The following GRIN2A variants were observed in gnomAD, a reference collection of about 807,000 sequenced individuals.
GRIN2A encodes the protein glutamate receptor ionotropic, NMDA 2A.
In GRIN2A, 22 loss-of-function variants were observed where a neutral mutation model predicts 113.4. The ratio of observed to expected loss-of-function variants is 0.19; its 90% confidence interval spans 0.14 to 0.28. The LOEUF is 0.28. GRIN2A is among the 10% of genes least tolerant of loss of function. GRIN2A has a pLI of 1.00. For synonymous variants in GRIN2A, 827 were observed against 738.4 expected (o/e 1.12, Z -1.94); for missense variants, 1,502 against 1,887.0 (o/e 0.80, Z 3.78).
intron 2 of GRIN2A, among the ~76,000 whole-genome samples, chr16:10,001,911 A>G (rs1225417047): frequency 6.6e-6 from 1 of 152,230 alleles, no homozygotes; most frequent in African/African-American, 2.4e-5. Flanking sequence ...TTACTCATTG[A>G]TAAACCAGGA....
chr16:9,924,132 A>C (rs1488061152), intron 3 of GRIN2A, among the ~76,000 whole-genome samples: 159 of 151,466 alleles, frequency 1.0e-3, no homozygotes, highest in African/African-American at 3.6e-3. Flanking sequence ...AAAAAAAAAA[A>C]AAAAAAACAA....
chr16:9,873,172 A>G (rs1239605689), intron 4 of GRIN2A, among the ~76,000 whole-genome samples: 1 of 152,084 alleles, frequency 6.6e-6, no homozygotes, highest in Non-Finnish European at 1.5e-5. Context: ...GACAATGGAG[A>G]CTCAGAAAGG....
chr16:9,767,471 G>A (rs1333026374), intron 12 of GRIN2A, among the ~76,000 whole-genome samples: 1 of 152,016 alleles, frequency 6.6e-6, no homozygotes, highest in East Asian at 1.9e-4. Context: ...TGTTACATAT[G>A]TATACATGTG....
chr16:10,148,208 C>T (rs927536170), intron 2 of GRIN2A, among the ~76,000 whole-genome samples: 4 of 152,282 alleles, frequency 2.6e-5, no homozygotes, highest in African/African-American at 9.6e-5. Flanking sequence ...TTCATTATAA[C>T]CCAGCCATGC....
intron 2 of GRIN2A, among the ~76,000 whole-genome samples, chr16:10,082,578 C>T (rs2142059796): frequency 6.6e-6 from 1 of 152,330 alleles, no homozygotes; most frequent in Middle Eastern, 3.4e-3. Context: ...TGGGCCTGGC[C>T]TCATCAGATG....
At chr16:9,998,477 C>T (rs1168716104) in intron 2 of GRIN2A, among the ~76,000 whole-genome samples, 1 of 152,138 alleles carries the variant, frequency 6.6e-6, no homozygotes, top group Non-Finnish European at 1.5e-5. Context: ...ATCGAAGGTC[C>T]TTGCACAACA....
intron 3 of GRIN2A, among the ~76,000 whole-genome samples, chr16:9,933,470 A>T (rs1388286243): frequency 2.0e-5 from 3 of 152,214 alleles, no homozygotes; most frequent in African/African-American, 4.8e-5. Flanking sequence ...CACCACGAAG[A>T]TATCAGGTAT....
chr16:10,153,337 T>C (rs1401635594), intron 2 of GRIN2A, among the ~76,000 whole-genome samples: 3 of 152,174 alleles, frequency 2.0e-5, no homozygotes, highest in African/African-American at 7.2e-5. Flanking sequence ...AAGTACTGGA[T>C]ATATTGGCCA....
At chr16:9,893,353 C>A (rs769928614) in intron 3 of GRIN2A, among the ~76,000 whole-genome samples, 1 of 152,172 alleles carries the variant, frequency 6.6e-6, no homozygotes, top group African/African-American at 2.4e-5. Flanking sequence ...CTTTAACAAA[C>A]AGAAAACTAA....
chr16:9,878,990 T>C (rs2043426012), intron 4 of GRIN2A, among the ~76,000 whole-genome samples: 1 of 152,192 alleles, frequency 6.6e-6, no homozygotes, highest in Non-Finnish European at 1.5e-5. Flanking sequence ...CCTAACATAT[T>C]GTACTGTGTG....
At chr16:10,004,028 T>C (rs1178554321) in intron 2 of GRIN2A, among the ~76,000 whole-genome samples, 4 of 152,076 alleles carry the variant, frequency 2.6e-5, no homozygotes, top group Non-Finnish European at 4.4e-5. Flanking sequence ...CCTCTCACTA[T>C]TACCCATGAA....
At chr16:10,005,023 A>G (rs552309485) in intron 2 of GRIN2A, among the ~76,000 whole-genome samples, 3 of 152,328 alleles carry the variant, frequency 2.0e-5, no homozygotes, top group African/African-American at 7.2e-5. Flanking sequence ...GACAAAAGTA[A>G]AACGAAAATT....
At chr16:9,897,756 T>C (rs2043835347) in intron 3 of GRIN2A, among the ~76,000 whole-genome samples, 1 of 152,222 alleles carries the variant, frequency 6.6e-6, no homozygotes, top group South Asian at 2.1e-4. Context: ...ACTTGCATTA[T>C]ATTTCTAATG....
intron 2 of GRIN2A, among the ~76,000 whole-genome samples, chr16:9,960,075 T>G (rs974793675): frequency 1.3e-5 from 2 of 152,188 alleles, no homozygotes; most frequent in African/African-American, 4.8e-5. Context: ...GGCTTCCAGG[T>G]TGACACCCAA....
chr16:10,093,889 C>A (rs1329726408), intron 2 of GRIN2A, among the ~76,000 whole-genome samples: 1 of 152,120 alleles, frequency 6.6e-6, no homozygotes, highest in Non-Finnish European at 1.5e-5. Context: ...GGAAACTCTG[C>A]CCAAGACATC....
intron 11 of GRIN2A, among the ~76,000 whole-genome samples, chr16:9,790,584 T>C (rs975960463): frequency 1.4e-4 from 22 of 152,350 alleles, no homozygotes; most frequent in African/African-American, 4.8e-4. Flanking sequence ...TATTATAATA[T>C]ACAAATAAGA....
At chr16:9,895,265 T>C (rs1006890726) in intron 3 of GRIN2A, among the ~76,000 whole-genome samples, 3 of 152,150 alleles carry the variant, frequency 2.0e-5, no homozygotes, top group African/African-American at 7.2e-5. Flanking sequence ...GGGATTTGGG[T>C]TGTGCTGAGA....
chr16:9,937,925 A>T, intron 3 of GRIN2A, 34 bp downstream of exon 3: 1 of 1,473,138 alleles, frequency 6.8e-7, no homozygotes, highest in Middle Eastern at 1.7e-4. Flanking sequence ...CAAAACTCTG[A>T]TCCCACTTTG....
chr16:10,114,871 A>T lies in GRIN2A; in HGVS notation c.414+65127T>A, dbSNP rs537878498. On this transcript the variant is annotated intron_variant, in intron 2 of 12. Coordinates refer to ENST00000330684, the MANE Select transcript of GRIN2A (RefSeq NM_001134407.3). The stretch of plus-strand genomic sequence containing the variant: ...GCCAGGTCTGCATGCTGTTTTAAAA[A>T]TTTTTTGTTTAGATATTTTCTATGT... Among the ~76,000 whole-genome samples the T allele has an allele frequency of 1.1e-4, 17 of 152,350 alleles. No individual in the cohort carries two copies. The South Asian group carries it at 3.3e-3, about 30-fold the overall frequency.
Sources: allele counts gnomAD v4.1 joint callset (sites outside exome capture counted in the v4.1 genomes callset), GRCh38; gene constraint gnomAD v4.1.1; transcripts MANE v1.5; gene names NCBI Gene and HGNC (gene_info 2026-07-23, HGNC 2026-07-21).